RHOBTB1: variants seen among roughly 807,000 people sequenced by gnomAD.
RHOBTB1 encodes the protein rho-related BTB domain-containing protein 1.
RHOBTB1 carries 40 observed loss-of-function variants against 71.6 expected under a neutral mutation model. That is an observed-to-expected ratio of 0.56 (90% CI 0.43 to 0.73). RHOBTB1 has a LOEUF of 0.73. RHOBTB1 is among the 30% of genes least tolerant of loss of function. The pLI, the probability that RHOBTB1 is intolerant of heterozygous loss-of-function variation, is 0.00. For missense variants in RHOBTB1, 797 were observed against 894.0 expected, an observed-to-expected ratio of 0.89 and a Z score of 1.38; for synonymous variants, 319 against 334.9, an observed-to-expected ratio of 0.95 and a Z score of 0.52.
intron 2 of RHOBTB1, among the ~76,000 whole-genome samples, chr10:60,916,836 C>A (rs78988480): frequency 0.046 from 6,946 of 152,312 alleles, 274 homozygotes; most frequent in African/African-American, 0.099. Flanking sequence ...TTATCCTGGA[C>A]TATCTATGTG....
At chr10:60,932,674 A>T (rs1027955319) in intron 2 of RHOBTB1, among the ~76,000 whole-genome samples, 3 of 152,174 alleles carry the variant, frequency 2.0e-5, no homozygotes, top group Non-Finnish European at 4.4e-5. Context: ...GATGGCAAAG[A>T]TGTTCATGAT....
chr10:60,867,508 G>A (rs2080640541), downstream of RHOBTB1, among the ~76,000 whole-genome samples: 2 of 152,202 alleles, frequency 1.3e-5, no homozygotes, highest in Admixed American at 1.3e-4. Context: ...CGACAGGAGA[G>A]GCAAGTCGCT....
At chr10:60,864,001 C>T in the RHOBTB1 span, among the ~76,000 whole-genome samples, 6 of 152,138 alleles carry the variant, frequency 3.9e-5, no homozygotes, top group Non-Finnish European at 5.9e-5. Flanking sequence ...ATCCCCTCCC[C>T]CTCCACTGCC....
upstream of RHOBTB1, among the ~76,000 whole-genome samples, chr10:60,945,770 T>C (rs981596801): frequency 6.6e-6 from 1 of 152,134 alleles, no homozygotes; most frequent in African/African-American, 2.4e-5. Context: ...TTTTTGAAAA[T>C]GGAGTTACCA....
chr10:60,907,783 G>C (rs1051741651), intron 4 of RHOBTB1, among the ~76,000 whole-genome samples: 1 of 152,190 alleles, frequency 6.6e-6, no homozygotes, highest in Non-Finnish European at 1.5e-5. Context: ...CACCAATGTA[G>C]GGTCCCAGTA....
At chr10:60,964,952 A>G (rs1207543978) in intron 2 of RHOBTB1, among the ~76,000 whole-genome samples, 1 of 152,132 alleles carries the variant, frequency 6.6e-6, no homozygotes, top group Non-Finnish European at 1.5e-5. Context: ...AGTCTTAAGG[A>G]AGAATTTAAA....
At chr10:60,946,406 G>A (rs1187140790), upstream of RHOBTB1, among the ~76,000 whole-genome samples, 4 of 152,240 alleles carry the variant, frequency 2.6e-5, no homozygotes, top group Admixed American at 2.6e-4. Flanking sequence ...GAATCAACAT[G>A]TATCACGGCC....
At chr10:60,882,130 T>G (rs908915977) in intron 7 of RHOBTB1, among the ~76,000 whole-genome samples, 1 of 151,734 alleles carries the variant, frequency 6.6e-6, no homozygotes, top group African/African-American at 2.4e-5. Context: ...TTAAAAATAA[T>G]ATAAGCAAAG....
downstream of RHOBTB1, among the ~76,000 whole-genome samples, chr10:60,866,958 C>T (rs1325388856): frequency 2.6e-5 from 4 of 152,202 alleles, no homozygotes; most frequent in East Asian, 1.9e-4. Flanking sequence ...GATTTTTGGC[C>T]TTGGTTTTGG....
chr10:60,886,722 G>GTT (rs1175542695), intron 6 of RHOBTB1, among the ~76,000 whole-genome samples: 1 of 138,294 alleles, frequency 7.2e-6, no homozygotes, highest in East Asian at 2.5e-4. Flanking sequence ...AGATGTGGGG[G>GTT]GGGGTGGGTC....
intron 4 of RHOBTB1, among the ~76,000 whole-genome samples, chr10:60,909,694 GA>G (rs988294413): frequency 2.0e-5 from 3 of 151,842 alleles, no homozygotes; most frequent in Non-Finnish European, 4.4e-5. Flanking sequence ...ATTATAGAAA[GA>G]AAAAAAATCC....
upstream of RHOBTB1, among the ~76,000 whole-genome samples, chr10:60,945,945 C>T (rs184389810): frequency 1.3e-5 from 2 of 152,204 alleles, no homozygotes; most frequent in Non-Finnish European, 2.9e-5. Context: ...TTTGGGAGGC[C>T]GAGGCGCGCG....
intron 1 of RHOBTB1, among the ~76,000 whole-genome samples, chr10:60,943,574 C>T (rs1209534802): frequency 6.6e-6 from 1 of 152,230 alleles, no homozygotes; most frequent in Non-Finnish European, 1.5e-5. Flanking sequence ...GCGTATTCCC[C>T]TGTCCGGGTC....
chr10:60,935,719 ATAAAT>A (rs986949769), intron 2 of RHOBTB1, among the ~76,000 whole-genome samples: 9 of 152,234 alleles, frequency 5.9e-5, no homozygotes, highest in African/African-American at 2.2e-4. Context: ...TTACAATTAA[ATAAAT>A]TATACCAAAA....
chr10:60,865,427 G>A (rs1042781991), downstream of RHOBTB1, among the ~76,000 whole-genome samples: 2 of 152,178 alleles, frequency 1.3e-5, no homozygotes, highest in Admixed American at 6.5e-5. Flanking sequence ...ATTGTGACAT[G>A]ATTAAATCAA....
intron 4 of RHOBTB1, among the ~76,000 whole-genome samples, chr10:60,904,669 C>G (rs892249179): frequency 6.6e-6 from 1 of 152,196 alleles, no homozygotes; most frequent in African/African-American, 2.4e-5. Flanking sequence ...GGACCATCTG[C>G]CTCAGAGTCT....
chr10:60,997,338 T>C (rs533726336), intron 1 of RHOBTB1, among the ~76,000 whole-genome samples: 1 of 152,296 alleles, frequency 6.6e-6, no homozygotes, highest in East Asian at 1.9e-4. Flanking sequence ...CAAAATGCAG[T>C]TGTGTGGGTG....
At chr10:60,927,388 C>G (rs1467548572) in intron 2 of RHOBTB1, among the ~76,000 whole-genome samples, 1 of 152,104 alleles carries the variant, frequency 6.6e-6, no homozygotes, top group African/African-American at 2.4e-5. Context: ...CAAGTTGACA[C>G]TCAGTATTAA....
chr10:60,995,008 A>G (rs965911439), intron 1 of RHOBTB1, among the ~76,000 whole-genome samples: 9 of 151,998 alleles, frequency 5.9e-5, no homozygotes, highest in Admixed American at 5.2e-4. Context: ...ATGGAGTAAC[A>G]TTGTACTCCA....
Sources: allele counts gnomAD v4.1 joint callset (sites outside exome capture counted in the v4.1 genomes callset), GRCh38; gene constraint gnomAD v4.1.1; transcripts MANE v1.5; gene names NCBI Gene and HGNC (gene_info 2026-07-23, HGNC 2026-07-21).